BCLAF3: variants seen among roughly 807,000 people sequenced by gnomAD.
BCLAF3 encodes transient octamer binding factor 1.
BCLAF3 carries 24 observed loss-of-function variants against 51.2 expected under a neutral mutation model. The ratio of observed to expected loss-of-function variants is 0.47; its 90% CI spans 0.34 to 0.66. BCLAF3 has a LOEUF of 0.66. BCLAF3 is among the 30% of genes least tolerant of loss of function. The pLI, the probability that BCLAF3 is intolerant of heterozygous loss-of-function variation, is 0.01. For synonymous variants in BCLAF3, 152 were observed against 176.6 expected (o/e 0.86, Z 1.10); for missense variants, 465 against 525.1 (o/e 0.89, Z 1.12).
Position 19,917,194 on chromosome X carries a change from T to A in BCLAF3, c.*111A>T. 1 of 683,203 alleles carries A rather than the reference T, an allele frequency of 1.5e-6. No individual in the cohort carries two copies. The highest frequency in any genetic ancestry group is 2.3e-6 in the Non-Finnish European group (1 of 441,440). 56.3% of individuals were successfully genotyped at this position (683,203 alleles called of 1,213,427 possible). Reference sequence around the variant, plus strand: ...ACTACTAAAAAATAAAGTTATTTTATCAAGAAGTTACAGTATTAGTGCCTT... The same window carrying A: ...ACTACTAAAAAATAAAGTTATTTTAACAAGAAGTTACAGTATTAGTGCCTT... On this transcript the variant is annotated 3_prime_UTR_variant, in exon 12 of 12. Coordinates refer to ENST00000379682, the MANE Select transcript of BCLAF3 (RefSeq NM_001367774.2).
intron 11 of BCLAF3, chrX:19,918,195 ATTC>A (rs1329174043): frequency 8.9e-6 from 1 of 111,827 alleles, no homozygotes; most frequent in Non-Finnish European, 1.9e-5. Flanking sequence ...GAAAATTCTT[ATTC>A]TTCTATTTTG....
At chrX:19,969,668 G>A (rs916914934) in intron 2 of BCLAF3, among the ~76,000 whole-genome samples, 4 of 111,715 alleles carry the variant, frequency 3.6e-5, no homozygotes, top group Admixed American at 1.9e-4. Flanking sequence ...GCCCAACCAC[G>A]TGCTTGCTGA....
At chrX:19,938,530 G>A (rs1409804517) in intron 8 of BCLAF3, among the ~76,000 whole-genome samples, 1 of 111,841 alleles carries the variant, frequency 8.9e-6, no homozygotes, top group African/African-American at 3.3e-5. Flanking sequence ...CGAGTAGCTG[G>A]GATTACAGGT....
Position 19,950,768 on chromosome X carries a change from G to C in BCLAF3, c.1730C>G (p.Ala577Gly). The C allele has an allele frequency of 8.3e-7, 1 of 1,204,144 alleles. No individual in the cohort carries two copies. The highest frequency in any genetic ancestry group is 1.8e-5 in the South Asian group (1 of 56,340). Residue 577 changes from alanine to glycine, a missense_variant, in exon 8 of 12, where the codon GCT becomes GGT. Coordinates refer to ENST00000379682, the MANE Select transcript of BCLAF3 (RefSeq NM_001367774.2). ...TACTGATTACCTCTCTGCAGCACTA[G>C]CTATGTGAAAAATGTGCTCATCTTC... ...QNEDEHIFHI[A>G]SAAERDDQNS...
At position 19,935,834 on chromosome X, in the gene BCLAF3, C is replaced by G. The variant is rs193284060; in HGVS notation, c.1925G>C (p.Arg642Pro). 12 of 1,206,923 alleles carry G rather than the reference C, an allele frequency of 9.9e-6. No individual in the cohort carries two copies. The highest frequency in any genetic ancestry group is 1.3e-5 in the Non-Finnish European group (12 of 892,724). The change falls in exon 10 of 12, where the codon CGA becomes CCA. Residue 642 changes from arginine (R) to proline (P), a missense_variant. Arg to Pro is a moderately radical substitution (Grantham distance 103). Coordinates refer to ENST00000379682, the MANE Select transcript of BCLAF3 (RefSeq NM_001367774.2). ...CTTAAAAGGTCTTACTCTTGTGTTT[C>G]GGTGGTTTCCCTCAACCTCAAATGG... ...HKPFEVEGNH[R>P]NTRVRPFKSN...
intron 8 of BCLAF3, among the ~76,000 whole-genome samples, chrX:19,950,392 G>A: frequency 8.9e-6 from 1 of 112,005 alleles, no homozygotes; most frequent in South Asian, 3.7e-4. Context: ...ACTATTCAAA[G>A]ACTAACCCAG....
intron 1 of BCLAF3, among the ~76,000 whole-genome samples, chrX:19,985,535 A>G (rs2072770272): frequency 9.0e-6 from 1 of 111,368 alleles, no homozygotes; most frequent in Non-Finnish European, 1.9e-5. Context: ...ACAGTGAGCT[A>G]TGATAGACCA....
At chrX:19,923,690 T>C (rs774142438) in intron 11 of BCLAF3, among the ~76,000 whole-genome samples, 1 of 111,433 alleles carries the variant, frequency 9.0e-6, no homozygotes, top group Non-Finnish European at 1.9e-5. Flanking sequence ...ATTTACTTTA[T>C]GTCCCTACAG....
At chrX:19,957,820 T>C (rs1305374238) in intron 4 of BCLAF3, among the ~76,000 whole-genome samples, 2 of 111,911 alleles carry the variant, frequency 1.8e-5, no homozygotes, top group Non-Finnish European at 3.8e-5. Flanking sequence ...ACCTCCAAAT[T>C]TTAGTCTTTT....
chrX:19,987,091 C>T (rs1603342115), intron 1 of BCLAF3, among the ~76,000 whole-genome samples: 1 of 110,599 alleles, frequency 9.0e-6, no homozygotes, highest in Middle Eastern at 4.6e-3. Flanking sequence ...TAAGTATGAA[C>T]CACCATGCCC....
intron 1 of BCLAF3, among the ~76,000 whole-genome samples, chrX:19,984,069 T>A (rs754232365): frequency 1.9e-5 from 1 of 52,205 alleles, no homozygotes; most frequent in African/African-American, 9.8e-5. Context: ...CAAGACTCCA[T>A]CTCAAAAAAA....
chrX:19,963,690 G>C (rs2071941872), intron 4 of BCLAF3, among the ~76,000 whole-genome samples: 1 of 111,257 alleles, frequency 9.0e-6, no homozygotes, highest in Non-Finnish European at 1.9e-5. Flanking sequence ...AAAGAACTAT[G>C]AGGTGGGGTG....
At chrX:19,950,551 T>C (rs961977655) in intron 8 of BCLAF3, among the ~76,000 whole-genome samples, 1 of 112,393 alleles carries the variant, frequency 8.9e-6, no homozygotes, top group Non-Finnish European at 1.9e-5. Context: ...TACCCCATAG[T>C]TTTTGTTGTT....
At chrX:19,936,346 T>C (rs1047027644) in intron 9 of BCLAF3, among the ~76,000 whole-genome samples, 3 of 111,948 alleles carry the variant, frequency 2.7e-5, no homozygotes, top group African/African-American at 9.7e-5. Context: ...GAGGTGATGC[T>C]CTTGCCATGG....
intron 2 of BCLAF3, among the ~76,000 whole-genome samples, chrX:19,969,594 G>A (rs894777561): frequency 8.9e-6 from 1 of 111,756 alleles, no homozygotes; most frequent in Non-Finnish European, 1.9e-5. Context: ...AGAATCCTTT[G>A]TCCCAATAAG....
At chrX:19,941,467 T>A (rs1456747832) in intron 8 of BCLAF3, among the ~76,000 whole-genome samples, 1 of 101,740 alleles carries the variant, frequency 9.8e-6, no homozygotes, top group African/African-American at 4.2e-5. Flanking sequence ...AAGGAAGGGA[T>A]CCAGTTTCAG....
At chrX:19,987,100 C>G (rs2072825812) in intron 1 of BCLAF3, among the ~76,000 whole-genome samples, 1 of 110,545 alleles carries the variant, frequency 9.0e-6, no homozygotes, top group Admixed American at 9.6e-5. Flanking sequence ...ACCACCATGC[C>G]CAGCCAGTAC....
intron 4 of BCLAF3, among the ~76,000 whole-genome samples, chrX:19,956,436 G>A (rs1181908606): frequency 9.0e-6 from 1 of 111,368 alleles, no homozygotes; most frequent in Non-Finnish European, 1.9e-5. Flanking sequence ...CTGAGACAAT[G>A]GATGTCTTGG....
intron 8 of BCLAF3, among the ~76,000 whole-genome samples, chrX:19,940,426 T>C (rs6653646): frequency 0.36 from 38,930 of 109,312 alleles, 8,618 homozygotes; most frequent in African/African-American, 0.83. Context: ...ATCCCTCCCC[T>C]AACCCCACCA....
Sources: gnomAD v4.1 joint callset for allele counts (sites outside exome capture counted in the v4.1 genomes callset) on GRCh38, gnomAD v4.1.1 for gene constraint, MANE v1.5 for transcripts, NCBI Gene and HGNC (gene_info 2026-07-23, HGNC 2026-07-21) for gene names.